ABLIM3: variants seen among roughly 807,000 people sequenced by gnomAD.
ABLIM3 encodes actin-binding LIM protein 3.
A neutral mutation model predicts 109.5 loss-of-function variants in ABLIM3; 61 were observed. The observed-to-expected ratio is 0.56, with a 90% confidence interval of 0.45 to 0.69. The LOEUF is 0.69. ABLIM3 is among the 30% of genes least tolerant of loss of function. ABLIM3 has a pLI of 0.00. For missense variants in ABLIM3, 796 were observed against 889.5 expected (o/e 0.89, Z 1.34); for synonymous variants, 300 against 324.8 (o/e 0.92, Z 0.82).
At chr5:149,206,757 G>T (rs548522690) in intron 5 of ABLIM3, among the ~76,000 whole-genome samples, 1 of 152,238 alleles carries the variant, frequency 6.6e-6, no homozygotes, top group South Asian at 2.1e-4. Flanking sequence ...CACTTTCAGT[G>T]AACAATGTGG....
chr5:149,186,118 T>C (rs1165168675), intron 3 of ABLIM3, among the ~76,000 whole-genome samples: 1 of 152,192 alleles, frequency 6.6e-6, no homozygotes, highest in East Asian at 1.9e-4. Context: ...GTTCCAACTT[T>C]GGCACTGAGT....
rs148829282 is a variant in ABLIM3 at position 149,143,016 on chromosome 5, C to G, written c.13+908C>G. ...CTGGGTCTATGACTTTGTTATCAGT[C>G]CCCTCTCTGCATCTCAGACTGCTCA... On this transcript the variant is annotated intron_variant, in intron 2 of 23. Coordinates refer to ENST00000309868, the MANE Select transcript of ABLIM3 (RefSeq NM_014945.5). Among the ~76,000 whole-genome samples, 879 of 152,142 alleles carry G rather than the reference C, an allele frequency of 5.8e-3. 7 individuals are homozygous for G. The highest frequency in any genetic ancestry group is 0.019 in the African/African-American group (807 of 41,496).
At chr5:149,171,384 ATCTTAT>A (rs1452456439) in intron 2 of ABLIM3, among the ~76,000 whole-genome samples, 1 of 152,152 alleles carries the variant, frequency 6.6e-6, no homozygotes, top group Non-Finnish European at 1.5e-5. Flanking sequence ...TGTATATTGC[ATCTTAT>A]TCTTTCAAAA....
At chr5:149,246,394 G>T (rs557065278) in intron 16 of ABLIM3, 88 bp from the exon 17 acceptor site, 8 of 1,242,118 alleles carry the variant, frequency 6.4e-6, no homozygotes, top group Middle Eastern at 1.9e-4. Flanking sequence ...AGAAAGAAAA[G>T]TGGCTTTTCT....
At chr5:149,246,593 A>C in intron 17 of ABLIM3, 47 bp downstream of exon 17, 7 of 1,570,396 alleles carry the variant, frequency 4.5e-6, no homozygotes, top group African/African-American at 1.4e-5. Flanking sequence ...AGCGTATATC[A>C]CTGAGGGTCT....
intron 2 of ABLIM3, among the ~76,000 whole-genome samples, chr5:149,156,767 C>T (rs1019855215): frequency 3.3e-5 from 5 of 152,178 alleles, no homozygotes; most frequent in African/African-American, 9.7e-5. Context: ...CAAACCTTTC[C>T]TGTAAAGGGA....
chr5:149,252,938 T>A, intron 23 of ABLIM3, 101 bp downstream of exon 23: 1 of 870,348 alleles, frequency 1.1e-6, no homozygotes, highest in Non-Finnish European at 1.9e-6. Context: ...TGAGTGGCTT[T>A]AAGATCACAC....
intron 15 of ABLIM3, 132 bp downstream of exon 15, chr5:149,242,670 GC>G: frequency 1.1e-6 from 1 of 944,724 alleles, no homozygotes. Context: ...CTTGTTGACT[GC>G]CCCATCACCC....
intron 3 of ABLIM3, among the ~76,000 whole-genome samples, chr5:149,190,500 C>T (rs1345567954): frequency 6.6e-6 from 1 of 151,924 alleles, no homozygotes; most frequent in Non-Finnish European, 1.5e-5. Context: ...GGCAACATAG[C>T]GAAGCCTCTT....
chr5:149,162,478 A>T (rs1754461236), intron 2 of ABLIM3, among the ~76,000 whole-genome samples: 1 of 152,188 alleles, frequency 6.6e-6, no homozygotes, highest in Non-Finnish European at 1.5e-5. Flanking sequence ...ATCAAAAGAG[A>T]CACAGAATAG....
chr5:149,181,301 T>A, intron 2 of ABLIM3, among the ~76,000 whole-genome samples: 1 of 137,790 alleles, frequency 7.3e-6, no homozygotes. Flanking sequence ...TTCTGGGGGG[T>A]GGGGAAGGAT....
chr5:149,240,576 C>G lies in ABLIM3; in HGVS notation c.1205-100C>G, dbSNP rs1007346418. 9 of 926,522 alleles carry G rather than the reference C, an allele frequency of 9.7e-6. No homozygotes were observed. In the African/African-American group the frequency reaches 1.3e-4, roughly 13 times the overall value. The allele number at this position is 926,522 out of a possible 1,614,324, so 57.4% of individuals were successfully genotyped here. ...AGACGCCCCAGCCCATCCCCCATCT[C>G]TGCTGTCATCACCTCACCACTTCCT... On this transcript the variant is annotated intron_variant, in intron 13 of 23. Coordinates refer to ENST00000309868, the MANE Select transcript of ABLIM3 (RefSeq NM_014945.5).
chr5:149,218,699 T>C (rs1760341649), intron 8 of ABLIM3: 1 of 152,176 alleles, frequency 6.6e-6, no homozygotes, highest in Non-Finnish European at 1.5e-5. Context: ...TCTTTGGAAA[T>C]CCTATCATTT....
chr5:149,217,337 T>C (rs1228198152), intron 8 of ABLIM3: 1 of 459,016 alleles, frequency 2.2e-6, no homozygotes, highest in African/African-American at 2.0e-5. Context: ...GGCTCTGCCT[T>C]GGGGGTGGGA....
At chr5:149,241,618 G>T (rs1752854448) in intron 14 of ABLIM3, among the ~76,000 whole-genome samples, 1 of 152,204 alleles carries the variant, frequency 6.6e-6, no homozygotes, top group South Asian at 2.1e-4. Flanking sequence ...AATTAGCTGG[G>T]CATGGTGGCT....
In ABLIM3 at chr5:149,198,412, C is replaced by T. The variant is rs112480753; in HGVS notation, c.335+10C>T. 109 of 1,599,450 alleles carry T rather than the reference C, an allele frequency of 6.8e-5. No individual in the cohort carries two copies. Among genetic ancestry groups the T allele is most frequent in the African/African-American group, 1.2e-4 (9 of 74,762 alleles). On this transcript the variant is annotated intron_variant, in intron 4 of 23. Transcript: ENST00000309868. This position sits in a 1 kb window ranked among gnomAD's most constrained non-coding sequence, Gnocchi z 4.2. Reference sequence around the variant, plus strand: ...TGTGCAGCTTGTGCAGGTGAGTGGGCGACCAGCAGGGCCTGGGACCCTCTG... The same window carrying T: ...TGTGCAGCTTGTGCAGGTGAGTGGGTGACCAGCAGGGCCTGGGACCCTCTG...
chr5:149,239,997 G>A (rs2127558423), intron 13 of ABLIM3, 109 bp downstream of exon 13: 1 of 1,429,380 alleles, frequency 7.0e-7, no homozygotes, highest in African/African-American at 1.5e-5. Flanking sequence ...CTCCATCACA[G>A]TGTGGCCCTC....
chr5:149,179,168 C>A (rs1229013750), intron 2 of ABLIM3, among the ~76,000 whole-genome samples: 2 of 152,164 alleles, frequency 1.3e-5, no homozygotes, highest in South Asian at 4.1e-4. Flanking sequence ...TTGGGAAGAG[C>A]TTTACTTACA....
chr5:149,233,387 G>C, intron 10 of ABLIM3, 87 bp downstream of exon 10: 1 of 1,369,692 alleles, frequency 7.3e-7, no homozygotes, highest in African/African-American at 1.4e-5. Flanking sequence ...GAGCTCTCAA[G>C]TTTTCATCCA....
Sources: allele counts gnomAD v4.1 joint callset (sites outside exome capture counted in the v4.1 genomes callset), GRCh38; gene constraint gnomAD v4.1.1; non-coding constraint Gnocchi (gnomAD v3.1); transcripts MANE v1.5; gene names NCBI Gene and HGNC (gene_info 2026-07-23, HGNC 2026-07-21).